The following DOCK3 variants were observed in gnomAD, a reference collection of about 807,000 sequenced individuals.
The protein encoded by DOCK3 is dedicator of cytokinesis protein 3.
A neutral mutation model predicts 265.6 loss-of-function variants in DOCK3; 60 were observed. That is an observed-to-expected ratio of 0.23 (90% CI 0.18 to 0.28). The LOEUF (loss-of-function observed/expected upper bound fraction) is 0.28. Among genes scored for constraint, DOCK3 ranks in the 10% least tolerant of loss-of-function variants. DOCK3 has a pLI of 1.00. For missense variants in DOCK3, 1,981 were observed against 2,594.3 expected (o/e 0.76, Z 5.14); for synonymous variants, 881 against 938.0 (o/e 0.94, Z 1.11).
intron 2 of DOCK3, among the ~76,000 whole-genome samples, chr3:50,781,929 T>A (rs1332922194): frequency 6.6e-6 from 1 of 152,200 alleles, no homozygotes; most frequent in African/African-American, 2.4e-5. Flanking sequence ...AGCCTCCAGC[T>A]CCATCTATGT....
Position 50,848,761 on chromosome 3 carries a change from T to C in DOCK3, c.162+7046T>C, listed in dbSNP as rs901732712. 8.5e-5 allele frequency among the ~76,000 whole-genome samples: 13 copies of C among 152,326 alleles called. No individual in the cohort carries two copies. The South Asian group carries it at 2.3e-3, about 27-fold the overall frequency. ...TGACCTTGTTCAGTCTTATGGACTA[T>C]ATGCCTTGGTAATTTTCATTTTGTA... On this transcript the variant is annotated intron_variant, in intron 3 of 52. Coordinates refer to ENST00000266037, the MANE Select transcript of DOCK3 (RefSeq NM_004947.5).
chr3:50,777,852 T>G (rs1373319416), intron 1 of DOCK3, among the ~76,000 whole-genome samples: 1 of 152,148 alleles, frequency 6.6e-6, no homozygotes, highest in African/African-American at 2.4e-5. Context: ...ATTATATCAT[T>G]GATGAATAGT....
chr3:51,181,006 G>C (rs916973761), intron 12 of DOCK3, among the ~76,000 whole-genome samples: 1 of 152,152 alleles, frequency 6.6e-6, no homozygotes, highest in African/African-American at 2.4e-5. Context: ...CAGAAACCTG[G>C]AAGGAGGAGA....
chr3:50,889,579 G>A (rs764058015), intron 3 of DOCK3, among the ~76,000 whole-genome samples: 2 of 151,654 alleles, frequency 1.3e-5, no homozygotes, highest in Non-Finnish European at 2.9e-5. Context: ...AGAAGTTCTT[G>A]AATTGATTCA....
At chr3:50,960,879 A>T (rs964333224) in intron 5 of DOCK3, among the ~76,000 whole-genome samples, 7 of 152,132 alleles carry the variant, frequency 4.6e-5, no homozygotes, top group African/African-American at 1.7e-4. Flanking sequence ...AATCTAAATT[A>T]AGTTTTTTCC....
intron 9 of DOCK3, among the ~76,000 whole-genome samples, chr3:51,097,703 C>T (rs530007807): frequency 1.1e-4 from 17 of 152,322 alleles, no homozygotes; most frequent in South Asian, 4.1e-4. Context: ...CCCAAACGGC[C>T]GCCTAGTTTT....
chr3:51,074,012 A>G (rs183964036), intron 6 of DOCK3, among the ~76,000 whole-genome samples: 36 of 152,368 alleles, frequency 2.4e-4, no homozygotes, highest in African/African-American at 4.3e-4. Flanking sequence ...TTTATTTTCA[A>G]TGATGAGTTT....
At chr3:51,234,926 T>C (rs1264182070) in intron 19 of DOCK3, among the ~76,000 whole-genome samples, 2 of 152,078 alleles carry the variant, frequency 1.3e-5, no homozygotes, top group Non-Finnish European at 2.9e-5. Flanking sequence ...CTGAAGAAAA[T>C]GGAAGTATTT....
intron 5 of DOCK3, among the ~76,000 whole-genome samples, chr3:50,985,709 C>T (rs2077872844): frequency 6.6e-6 from 1 of 151,992 alleles, no homozygotes; most frequent in African/African-American, 2.4e-5. Context: ...ATGATTAAGA[C>T]AGGTTATTGA....
chr3:51,222,120 C>T (rs1192840051), intron 14 of DOCK3, among the ~76,000 whole-genome samples: 1 of 152,208 alleles, frequency 6.6e-6, no homozygotes, highest in Non-Finnish European at 1.5e-5. Context: ...ATACAATCAT[C>T]CAGGCACTGG....
At chr3:50,951,402 G>T (rs2076588427) in intron 5 of DOCK3, among the ~76,000 whole-genome samples, 1 of 152,048 alleles carries the variant, frequency 6.6e-6, no homozygotes. Flanking sequence ...TCCACATTTG[G>T]CTTCCTGTGA....
At chr3:50,984,952 T>G (rs548722820) in intron 5 of DOCK3, among the ~76,000 whole-genome samples, 2 of 152,368 alleles carry the variant, frequency 1.3e-5, no homozygotes, top group South Asian at 4.1e-4. Flanking sequence ...TGTGCCGTTT[T>G]ATGTAAGTGA....
intron 2 of DOCK3, among the ~76,000 whole-genome samples, chr3:50,839,731 C>CCCCTG (rs1267071074): frequency 1.7e-5 from 1 of 58,260 alleles, no homozygotes; most frequent in East Asian, 6.7e-4. Context: ...CCCCTCCCCT[C>CCCCTG]CCCTCCCCTC....
chr3:50,854,887 GT>G (rs1347422615), intron 3 of DOCK3, among the ~76,000 whole-genome samples: 2 of 151,924 alleles, frequency 1.3e-5, no homozygotes, highest in Non-Finnish European at 2.9e-5. Context: ...ATTGAATAGG[GT>G]GTTCTCTTCC....
At chr3:51,009,092 T>A (rs2078818826) in intron 5 of DOCK3, among the ~76,000 whole-genome samples, 1 of 152,162 alleles carries the variant, frequency 6.6e-6, no homozygotes, top group Non-Finnish European at 1.5e-5. Flanking sequence ...TTTTGTTGAG[T>A]CTCTGCCAGG....
chr3:50,728,092 A>C (rs2037947223), intron 1 of DOCK3, among the ~76,000 whole-genome samples: 1 of 152,228 alleles, frequency 6.6e-6, no homozygotes, highest in African/African-American at 2.4e-5. Context: ...AACTGAAATC[A>C]TACAGCATGT....
intron 4 of DOCK3, among the ~76,000 whole-genome samples, chr3:50,922,491 C>T (rs2050537625): frequency 6.6e-6 from 1 of 152,244 alleles, no homozygotes; most frequent in African/African-American, 2.4e-5. Context: ...TTCCCCGACC[C>T]CTTGCGCTTC....
chr3:50,810,435 C>T (rs982652169), intron 2 of DOCK3, among the ~76,000 whole-genome samples: 2 of 151,954 alleles, frequency 1.3e-5, no homozygotes, highest in Admixed American at 1.3e-4. Flanking sequence ...CCTGTAATCC[C>T]GGCTACTTGG....
At position 51,070,241 on chromosome 3, in the gene DOCK3, C is replaced by G. The variant is rs147762002; in HGVS notation, c.465-5115C>G. On this transcript the variant is annotated intron_variant, in intron 6 of 52. Transcript: ENST00000266037. The stretch of plus-strand genomic sequence containing the variant: ...TTAATCAATTGATATTTGTTTCCTT[C>G]TGGTTTGATGTTTGACACAGAATCA... 1.5e-3 allele frequency among the ~76,000 whole-genome samples: 232 copies of G among 152,322 alleles called. 2 individuals carry two copies. Among genetic ancestry groups the G allele is most frequent in the East Asian group, 7.9e-3 (41 of 5,192 alleles).
Sources: allele counts gnomAD v4.1 joint callset (sites outside exome capture counted in the v4.1 genomes callset), GRCh38; gene constraint gnomAD v4.1.1; transcripts MANE v1.5; gene names NCBI Gene and HGNC (gene_info 2026-07-23, HGNC 2026-07-21).